The following ZNF717 variants were observed in gnomAD, a reference collection of about 807,000 sequenced individuals.
ZNF717 encodes the protein zinc finger protein 717.
Under a neutral mutation model 13.8 loss-of-function variants are expected in ZNF717, and 9 were observed. That is an observed-to-expected ratio of 0.65 (90% CI 0.39 to 1.14). The LOEUF is 1.14. Among genes scored for constraint, ZNF717 ranks in the 50% most tolerant of loss-of-function variants. The probability of loss-of-function intolerance (pLI) is 0.01; values close to 1 mark genes in which losing one functional copy is unlikely to be tolerated. For synonymous variants in ZNF717, 327 were observed against 364.1 expected (o/e 0.90, Z 1.16); for missense variants, 1,040 against 1,080.7 (o/e 0.96, Z 0.53).
intron 2 of ZNF717, among the ~76,000 whole-genome samples, chr3:75,775,418 A>ATGG (rs1944232142): frequency 6.6e-6 from 1 of 152,252 alleles, no homozygotes; most frequent in Non-Finnish European, 1.5e-5. Flanking sequence ...ATTCTAGAAT[A>ATGG]TGGTGTCTCT....
intron 2 of ZNF717, among the ~76,000 whole-genome samples, chr3:75,782,604 T>C (rs934174190): frequency 1.2e-4 from 18 of 149,980 alleles, no homozygotes; most frequent in African/African-American, 4.4e-4. Flanking sequence ...GCAAGGAGCA[T>C]ACCTTATGAT....
At chr3:75,724,394 T>C (rs1938234348) in intron 4 of ZNF717, among the ~76,000 whole-genome samples, 1 of 151,830 alleles carries the variant, frequency 6.6e-6, no homozygotes, top group African/African-American at 2.4e-5. Context: ...GACTACAGGC[T>C]TACATCATCA....
intron 2 of ZNF717, among the ~76,000 whole-genome samples, chr3:75,750,058 G>C (rs796432356): frequency 7.3e-5 from 11 of 151,380 alleles, no homozygotes; most frequent in Non-Finnish European, 1.6e-4. Context: ...CTGCTACGAG[G>C]GTCTGAATGT....
chr3:75,777,035 G>C (rs62269663), intron 2 of ZNF717, among the ~76,000 whole-genome samples: 2 of 147,544 alleles, frequency 1.4e-5, no homozygotes, highest in African/African-American at 4.9e-5. Context: ...CCCAGTAGTC[G>C]TAAGAGTCTC....
At chr3:75,731,194 T>A (rs1938520706), downstream of ZNF717, among the ~76,000 whole-genome samples, 2 of 152,294 alleles carry the variant, frequency 1.3e-5, no homozygotes, top group East Asian at 3.9e-4. Context: ...CTGGCCCACA[T>A]GGCAAAACCC....
chr3:75,750,379 G>T (rs1206482327), intron 2 of ZNF717, among the ~76,000 whole-genome samples: 5 of 150,946 alleles, frequency 3.3e-5, no homozygotes, highest in African/African-American at 1.2e-4. Context: ...TAGGATTCCA[G>T]AACTATGTTA....
At chr3:75,766,542 G>A (rs77589209) in intron 2 of ZNF717, among the ~76,000 whole-genome samples, 3 of 140,882 alleles carry the variant, frequency 2.1e-5, no homozygotes, top group South Asian at 2.4e-4. Flanking sequence ...CTCAAAGTAC[G>A]TGAATCAAAA....
chr3:75,713,795 C>A (rs76247709), intron 5 of ZNF717, among the ~76,000 whole-genome samples: 1 of 152,018 alleles, frequency 6.6e-6, no homozygotes, highest in African/African-American at 2.4e-5. Context: ...GGACCACTAC[C>A]ACCTAGACAC....
At chr3:75,772,928 G>C (rs527480107) in intron 2 of ZNF717, among the ~76,000 whole-genome samples, 1 of 152,294 alleles carries the variant, frequency 6.6e-6, no homozygotes, top group Non-Finnish European at 1.5e-5. Flanking sequence ...ATGGATTTGT[G>C]TTTTGAGCTG....
chr3:75,738,191 G>A lies in ZNF717; in HGVS notation c.1432C>T (p.Pro478Ser), dbSNP rs1559598343. The change falls in exon 5 of 5, where the codon CCC (proline) becomes TCC (serine). Residue 478 changes from proline (P) to serine (S), a missense_variant. Coordinates refer to ENST00000652011, the MANE Select transcript of ZNF717 (RefSeq NM_001290208.3). Reference sequence around the variant, plus strand: ...TTCCCACATTCATTGCATTCATAGGGTTTTTCCCCTGTGTGAGTTCTCTGA... The same window carrying A: ...TTCCCACATTCATTGCATTCATAGGATTTTTCCCCTGTGTGAGTTCTCTGA... Reference protein sequence around the residue: ...LHQRTHTGEKPYECNECGKTF... With the variant: ...LHQRTHTGEKSYECNECGKTF... 6.4e-7 allele frequency: 1 copy of A among 1,574,116 alleles called. No individual in the cohort carries two copies. The highest frequency in any genetic ancestry group is 2.4e-5 in the East Asian group (1 of 42,188).
At chr3:75,726,586 A>C (rs1419329364), downstream of ZNF717, among the ~76,000 whole-genome samples, 1 of 152,284 alleles carries the variant, frequency 6.6e-6, no homozygotes, top group Non-Finnish European at 1.5e-5. Flanking sequence ...GGTGTAGCAG[A>C]AGTCCAGTCC....
intron 2 of ZNF717, among the ~76,000 whole-genome samples, chr3:75,761,543 G>C (rs1327252589): frequency 6.6e-6 from 1 of 152,192 alleles, no homozygotes; most frequent in African/African-American, 2.4e-5. Context: ...TTAGGCAAGA[G>C]AAAGAAATAA....
At chr3:75,768,024 A>T (rs150919075) in intron 2 of ZNF717, among the ~76,000 whole-genome samples, 1 of 152,304 alleles carries the variant, frequency 6.6e-6, no homozygotes, top group Non-Finnish European at 1.5e-5. Context: ...CAGAGGGAGG[A>T]GTAAAAAGGC....
At chr3:75,765,648 G>A (rs1382490625) in intron 2 of ZNF717, among the ~76,000 whole-genome samples, 1 of 152,074 alleles carries the variant, frequency 6.6e-6, no homozygotes, top group Non-Finnish European at 1.5e-5. Context: ...CTGGGCTCAA[G>A]CAATCCACCT....
intron 2 of ZNF717, among the ~76,000 whole-genome samples, chr3:75,761,586 A>T (rs557390547): frequency 6.6e-6 from 1 of 152,286 alleles, no homozygotes; most frequent in Non-Finnish European, 1.5e-5. Context: ...AGAAGTATAA[A>T]ATTTTGTTCA....
At chr3:75,756,836 G>A (rs148012289) in intron 2 of ZNF717, among the ~76,000 whole-genome samples, 133 of 152,154 alleles carry the variant, frequency 8.7e-4, no homozygotes, top group Middle Eastern at 3.4e-3. Context: ...CACCACGCCC[G>A]GCTAATGTTT....
chr3:75,738,523 T>C lies in ZNF717; in HGVS notation c.1100A>G (p.Tyr367Cys). 6.5e-7 allele frequency: 1 copy of C among 1,541,774 alleles called. No homozygotes were observed. Among genetic ancestry groups the C allele is most frequent in the Non-Finnish European group, 8.8e-7 (1 of 1,139,764 alleles). Residue 367 changes from tyrosine to cysteine, a missense_variant, in exon 5 of 5, where the codon TAC (tyrosine) becomes TGC (cysteine). Tyr to Cys is a radical substitution (Grantham distance 194). This residue lies in a region of ZNF717 where 873 missense variants were observed against 832.8 expected (regional missense o/e 1.05). Coordinates refer to ENST00000652011, the MANE Select transcript of ZNF717 (RefSeq NM_001290208.3). ...HERTHTGDKP[Y>C]KCIECGKTFH... ...AGTTTTTCCACATTCAATACATTTG[T>C]AGGGTTTATCCCCTGTGTGAGTTCT... is the stretch of plus-strand genomic sequence containing the variant.
At chr3:75,765,037 G>GTA (rs1163177906) in intron 2 of ZNF717, among the ~76,000 whole-genome samples, 13 of 59,208 alleles carry the variant, frequency 2.2e-4, no homozygotes, top group Middle Eastern at 7.5e-3. Context: ...ATATGTATAT[G>GTA]TGTGTGTGTG....
chr3:75,753,996 C>G (rs1485596565), intron 2 of ZNF717, among the ~76,000 whole-genome samples: 2 of 152,184 alleles, frequency 1.3e-5, no homozygotes, highest in African/African-American at 2.4e-5. Flanking sequence ...ACACAGGATT[C>G]TAGAACACTC....
Sources: gnomAD v4.1 joint callset for allele counts (sites outside exome capture counted in the v4.1 genomes callset) on GRCh38, gnomAD v4.1.1 for gene constraint, gnomAD v4.1.1 regional missense constraint, MANE v1.5 for transcripts, NCBI Gene and HGNC (gene_info 2026-07-23, HGNC 2026-07-21) for gene names.